Variants in ZMYND11 observed in about 807,000 individuals in gnomAD.
ZMYND11 encodes the protein zinc finger MYND domain-containing protein 11.
A neutral mutation model predicts 84.9 loss-of-function variants in ZMYND11; 9 were observed. That is an observed-to-expected ratio of 0.11 (90% confidence interval 0.06 to 0.18). The LOEUF is 0.18. Among genes scored for constraint, ZMYND11 ranks in the 10% least tolerant of loss-of-function variants. The pLI is 1.00. For synonymous variants in ZMYND11, 250 were observed against 244.1 expected (o/e 1.02, Z -0.23); for missense variants, 409 against 761.0 (o/e 0.54, Z 5.44).
Position 203,549 on chromosome 10 carries a change from T to C in ZMYND11, c.117-6340T>C, listed in dbSNP as rs547421938. ...TTTGTGGATTTTGGCAAACTGACTT[T>C]AAAATTACTGTGGATGAATATGGGA... On this transcript the variant is annotated intron_variant, in intron 2 of 14. Coordinates refer to ENST00000381604, the MANE Select transcript of ZMYND11 (RefSeq NM_001370100.5). Among the ~76,000 whole-genome samples the C allele has an allele frequency of 4.6e-5, 7 of 152,274 alleles. No individual in the cohort carries two copies. In the East Asian group the frequency reaches 1.2e-3, roughly 25 times the overall value.
chr10:237,803 C>G (rs1181732551), intron 6 of ZMYND11, 126 bp downstream of exon 6: 2 of 615,442 alleles, frequency 3.2e-6, no homozygotes, highest in Admixed American at 6.9e-5. Context: ...TTTTCCACTT[C>G]CTAAAACAAA....
At chr10:158,380 T>C (rs948009473) in intron 1 of ZMYND11, among the ~76,000 whole-genome samples, 2 of 152,008 alleles carry the variant, frequency 1.3e-5, no homozygotes, top group African/African-American at 4.8e-5. Flanking sequence ...TGTACCAGTT[T>C]CTATTATTCT....
In ZMYND11 at chr10:239,977, A is replaced by G. The variant is rs1014377480; in HGVS notation, c.698-79A>G. Reference sequence around the variant, plus strand: ...AAATGGTAGATGTCTACTTTTGCAAACTGAAAGAAAAGGATAGTAACTTTG... The same window carrying G: ...AAATGGTAGATGTCTACTTTTGCAAGCTGAAAGAAAAGGATAGTAACTTTG... On this transcript the variant is annotated intron_variant, in intron 7 of 14. Transcript: ENST00000381604. 6.2e-6 allele frequency: 8 copies of G among 1,286,638 alleles called. No homozygotes were observed. The African/African-American group carries it at 1.2e-4, about 19-fold the overall frequency. The allele number at this position is 1,286,638 out of a possible 1,614,324, so 79.7% of individuals were successfully genotyped here.
At chr10:240,790 C>A (rs375069864) in intron 8 of ZMYND11, 103 bp from the exon 9 acceptor site, 1 of 881,290 alleles carries the variant, frequency 1.1e-6, no homozygotes, top group Non-Finnish European at 1.7e-6. Context: ...CAAAATTCAA[C>A]ACTATTTATA....
chr10:248,742 C>A, intron 13 of ZMYND11, 134 bp downstream of exon 13: 2 of 1,385,570 alleles, frequency 1.4e-6, no homozygotes, highest in African/African-American at 1.5e-5. Flanking sequence ...TCTTTTACAG[C>A]ATTTCAAGTA....
Position 196,801 on chromosome 10 carries a change from C to T in ZMYND11, c.117-13088C>T, listed in dbSNP as rs113686711. ...TTAATTCATGTTTTCAACTGGCAAA[C>T]AGAGAAAAAGGAGGGAAGAGAATGT... On this transcript the variant is annotated intron_variant, in intron 2 of 14. Coordinates refer to ENST00000381604, the MANE Select transcript of ZMYND11 (RefSeq NM_001370100.5). 7.8e-3 allele frequency among the ~76,000 whole-genome samples: 1,188 copies of T among 152,112 alleles called. 15 individuals are homozygous for T. Among genetic ancestry groups the T allele is most frequent in the African/African-American group, 0.027 (1,127 of 41,492 alleles).
Position 248,994 on chromosome 10 carries a change from TAAAGGA to T in ZMYND11, c.1597_1602del (p.Glu533_Lys534del). ...GAGATGGACAGAAAATGTAAGCAAG[TAAAGGA>T]AAAGTGTAAGGAAGAATTTGTAGAA... On this transcript the variant is annotated inframe_deletion, in exon 14 of 15. Transcript: ENST00000381604. The T allele has an allele frequency of 6.2e-7, 1 of 1,614,050 alleles. No individual in the cohort carries two copies. Among genetic ancestry groups the T allele is most frequent in the Non-Finnish European group, 8.5e-7 (1 of 1,180,014 alleles).
At chr10:174,697 A>G (rs1846156074) in intron 1 of ZMYND11, among the ~76,000 whole-genome samples, 1 of 152,040 alleles carries the variant, frequency 6.6e-6, no homozygotes, top group African/African-American at 2.4e-5. Context: ...TACATTGGTC[A>G]AAACCCATGA....
intron 2 of ZMYND11, among the ~76,000 whole-genome samples, chr10:187,340 A>G (rs1423831737): frequency 3.3e-5 from 5 of 152,334 alleles, no homozygotes; most frequent in East Asian, 1.9e-4. Flanking sequence ...TATTTCAGAT[A>G]TTTAAAAACC....
In ZMYND11 at chr10:150,404, G is replaced by A. The variant is rs549025908; in HGVS notation, c.-20+14845G>A. Among the ~76,000 whole-genome samples, 463 of 152,338 alleles carry A rather than the reference G, an allele frequency of 3.0e-3. 2 individuals are homozygous for A. Among genetic ancestry groups the A allele is most frequent in the Admixed American group, 5.6e-3 (85 of 15,304 alleles). ...GATTTTCTAGTTTATTTGCGTAGAA[G>A]TGTTTATAGTATTCTCTGATGGTAG... On this transcript the variant is annotated intron_variant, in intron 1 of 14. Coordinates refer to ENST00000381604, the MANE Select transcript of ZMYND11 (RefSeq NM_001370100.5).
At chr10:208,722 T>C (rs1458063511) in intron 2 of ZMYND11, among the ~76,000 whole-genome samples, 1 of 152,164 alleles carries the variant, frequency 6.6e-6, no homozygotes, top group African/African-American at 2.4e-5. Flanking sequence ...GTGGGAATTA[T>C]GATCAGAGAA....
At chr10:164,759 A>G (rs1268934923) in intron 1 of ZMYND11, among the ~76,000 whole-genome samples, 1 of 152,120 alleles carries the variant, frequency 6.6e-6, no homozygotes. Context: ...AAAAGGTAGG[A>G]CAGTGTATGT....
At chr10:193,445 C>G (rs1252143785) in intron 2 of ZMYND11, among the ~76,000 whole-genome samples, 3 of 152,168 alleles carry the variant, frequency 2.0e-5, no homozygotes, top group Non-Finnish European at 4.4e-5. Flanking sequence ...TGGGGTATCC[C>G]AAACACCTAG....
At chr10:201,688 T>A (rs1361894843) in intron 2 of ZMYND11, among the ~76,000 whole-genome samples, 1 of 151,756 alleles carries the variant, frequency 6.6e-6, no homozygotes, top group African/African-American at 2.4e-5. Context: ...TTGGAGGCAC[T>A]TGAGTACTCA....
At chr10:243,398 A>G (rs912105104) in intron 10 of ZMYND11, among the ~76,000 whole-genome samples, 1 of 152,242 alleles carries the variant, frequency 6.6e-6, no homozygotes, top group Admixed American at 6.5e-5. Context: ...AGTTATTTTT[A>G]TAGCCATACT....
At chr10:183,741 C>T (rs7095014) in intron 2 of ZMYND11, among the ~76,000 whole-genome samples, 34,510 of 152,058 alleles carry the variant, frequency 0.23, 4,177 homozygotes, top group Middle Eastern at 0.32. Context: ...AATTACATTT[C>T]ATATATTTCA....
chr10:214,099 T>G, intron 3 of ZMYND11, among the ~76,000 whole-genome samples: 1 of 152,178 alleles, frequency 6.6e-6, no homozygotes, highest in East Asian at 1.9e-4. Context: ...TTTGGGATGC[T>G]GATCTCAGCC....
chr10:178,989 A>G (rs1847263416), intron 1 of ZMYND11, among the ~76,000 whole-genome samples: 4 of 152,194 alleles, frequency 2.6e-5, no homozygotes, highest in Admixed American at 2.6e-4. Context: ...CTCATTCTCT[A>G]AACTTAAAAG....
At chr10:150,242 T>C (rs1839996912) in intron 1 of ZMYND11, among the ~76,000 whole-genome samples, 1 of 152,202 alleles carries the variant, frequency 6.6e-6, no homozygotes, top group South Asian at 2.1e-4. Flanking sequence ...CGTCTGGTCC[T>C]GGACTTTTTT....
Sources: gnomAD v4.1 joint callset for allele counts (sites outside exome capture counted in the v4.1 genomes callset) on GRCh38, gnomAD v4.1.1 for gene constraint, MANE v1.5 for transcripts, NCBI Gene and HGNC (gene_info 2026-07-23, HGNC 2026-07-21) for gene names.